The following TBC1D21 variants were observed in gnomAD, a reference collection of about 807,000 sequenced individuals.
TBC1D21 encodes TBC1 domain family member 21, also known as male germ cell Rab GTPase-activating protein.
In TBC1D21, 38 loss-of-function variants were observed where a neutral mutation model predicts 46.0. That is an observed-to-expected ratio of 0.83 (90% CI 0.64 to 1.08). The LOEUF (loss-of-function observed/expected upper bound fraction) is 1.08. TBC1D21 is among the 50% of genes least tolerant of loss of function. The pLI is 0.00. For synonymous variants in TBC1D21, 151 were observed against 157.2 expected (o/e 0.96, Z 0.29); for missense variants, 415 against 417.9 (o/e 0.99, Z 0.06).
At chr15:73,877,056 T>TA (rs1165790633) in intron 1 of TBC1D21, among the ~76,000 whole-genome samples, 1 of 152,200 alleles carries the variant, frequency 6.6e-6, no homozygotes, top group Non-Finnish European at 1.5e-5. Flanking sequence ...CCCTGATCTG[T>TA]AAAACAGTAC....
chr15:73,884,962 T>TTCC, intron 5 of TBC1D21, 41 bp from the exon 6 acceptor site: 1 of 1,593,074 alleles, frequency 6.3e-7, no homozygotes, highest in Non-Finnish European at 8.6e-7. Context: ...GTCCAGGCTC[T>TTCC]CCCACCCAGC....
the TBC1D21 span, among the ~76,000 whole-genome samples, chr15:73,900,251 C>G: frequency 5.3e-5 from 8 of 152,318 alleles, no homozygotes; most frequent in East Asian, 1.4e-3. Flanking sequence ...AGACAGGCCC[C>G]TCTGCGCAGA....
At chr15:73,887,854 C>G in intron 9 of TBC1D21, 118 bp downstream of exon 9, 1 of 797,084 alleles carries the variant, frequency 1.3e-6, no homozygotes, top group South Asian at 1.6e-5. Flanking sequence ...ACCTTTTCCC[C>G]CCAGACAGAA....
intron 3 of TBC1D21, among the ~76,000 whole-genome samples, chr15:73,883,784 C>T (rs2068195225): frequency 6.6e-6 from 1 of 152,190 alleles, no homozygotes; most frequent in South Asian, 2.1e-4. Context: ...TTCTGAGGCA[C>T]AGGTGCCAGT....
At position 73,886,177 on chromosome 15, in the gene TBC1D21, G is replaced by T; in HGVS notation, c.676+3G>T. The T allele has an allele frequency of 6.2e-7, 1 of 1,614,040 alleles. No homozygotes were observed. Among genetic ancestry groups the T allele is most frequent in the Non-Finnish European group, 8.5e-7 (1 of 1,179,888 alleles). On this transcript the variant is annotated splice_donor_region_variant and intron_variant, in intron 7 of 10. Transcript: ENST00000300504. ...CCCCGTGTTTGCTGAGCACCTAAGT[G>T]AGTGGTTCCCACCTCCTGCCACCTC...
Position 73,888,480 on chromosome 15 carries a change from C to T in TBC1D21, c.945C>T (p.Ala315=), listed in dbSNP as rs1171238334. 3.1e-6 allele frequency: 5 copies of T among 1,614,142 alleles called. No homozygotes were observed. Among genetic ancestry groups the T allele is most frequent in the Non-Finnish European group, 3.4e-6 (4 of 1,180,018 alleles). The stretch of plus-strand genomic sequence containing the variant: ...ATGCTGATGAGCTGATCTCTGCCGC[C>T]TGCGTGGTTTATGCTGAGCTCATCC... ...DLDADELISA[A]CVVYAELIQK... Residue 315 remains alanine, a synonymous_variant, in exon 10 of 11, where the codon GCC becomes GCT. Transcript: ENST00000300504.
chr15:73,901,372 A>G, the TBC1D21 span, among the ~76,000 whole-genome samples: 1 of 152,166 alleles, frequency 6.6e-6, no homozygotes, highest in Non-Finnish European at 1.5e-5. Context: ...AATCACCTGC[A>G]ACTGCCCACC....
chr15:73,876,216 T>G lies in TBC1D21; in HGVS notation c.60+2447T>G, dbSNP rs28526759. ...TTTTGTGGGTTTTTTTTTTTTTTTT[T>G]TTTTTTTTTTTTTTTTTTTTTTTTT... On this transcript the variant is annotated intron_variant, in intron 1 of 10. Transcript: ENST00000300504. 1.0e-3 allele frequency among the ~76,000 whole-genome samples: 41 copies of G among 40,098 alleles called. 3 individuals are homozygous for G. Among genetic ancestry groups the G allele is most frequent in the South Asian group, 8.1e-3 (6 of 738 alleles). The allele number at this position is 40,098 out of a possible 152,430, so 26.3% of individuals were successfully genotyped here. A position where few individuals can be genotyped will look rare whatever the true frequency, so the allele number is the denominator to read the frequency against.
rs2068057275 is a variant in TBC1D21 at position 73,876,199 on chromosome 15, G to GCTTTT, written c.60+2430_60+2431insCTTTT. On this transcript the variant is annotated intron_variant, in intron 1 of 10. Transcript: ENST00000300504. ...GAAGAATCAGTGACTTTTTTTGTGG[G>GCTTTT]TTTTTTTTTTTTTTTTTTTTTTTTT... Among the ~76,000 whole-genome samples the GCTTTT allele has an allele frequency of 7.1e-5, 2 of 28,314 alleles. 1 individual carries two copies. Among genetic ancestry groups the GCTTTT allele is most frequent in the African/African-American group, 1.2e-4 (2 of 17,380 alleles). The allele number at this position is 28,314 out of a possible 152,430, so 18.6% of individuals were successfully genotyped here.
At position 73,875,311 on chromosome 15, in the gene TBC1D21, G is replaced by GGGAA. The variant is rs201470084; in HGVS notation, c.60+1553_60+1556dup. Among the ~76,000 whole-genome samples, 204 of 133,020 alleles carry GGGAA rather than the reference G, an allele frequency of 1.5e-3. 1 individual carries two copies. Among genetic ancestry groups the GGGAA allele is most frequent in the East Asian group, 5.6e-3 (23 of 4,136 alleles). 87.3% of individuals were successfully genotyped at this position (133,020 alleles called of 152,430 possible). A position where few individuals can be genotyped will look rare whatever the true frequency, so the allele number is the denominator to read the frequency against. On this transcript the variant is annotated intron_variant, in intron 1 of 10. Coordinates refer to ENST00000300504, the MANE Select transcript of TBC1D21 (RefSeq NM_153356.3). ...AAGGAAGGAGGGAAGGAGGGAAGAA[G>GGGAA]GGAAGGAAGGAAGGGAGGGAGGGAG...
In TBC1D21 at chr15:73,884,570, G is replaced by A. The variant is rs928811222; in HGVS notation, c.368-211G>A. Among the ~76,000 whole-genome samples the A allele has an allele frequency of 2.6e-5, 4 of 152,188 alleles. 1 individual carries two copies. The South Asian group carries it at 6.2e-4, about 24-fold the overall frequency. On this transcript the variant is annotated intron_variant, in intron 4 of 10. Coordinates refer to ENST00000300504, the MANE Select transcript of TBC1D21 (RefSeq NM_153356.3). ...GGAGGACATTCCTGGCCGAGGGTAC[G>A]GCCTCGTTAGAGGGTTGGAGGTGGG...
At chr15:73,888,397 C>T in intron 9 of TBC1D21, 33 bp from the exon 10 acceptor site, 1 of 1,593,856 alleles carries the variant, frequency 6.3e-7, no homozygotes, top group Non-Finnish European at 8.6e-7. Flanking sequence ...TTGCCCCAGC[C>T]CCACCCACAA....
At chr15:73,898,178 G>A in the TBC1D21 span, among the ~76,000 whole-genome samples, 1 of 152,212 alleles carries the variant, frequency 6.6e-6, no homozygotes, top group African/African-American at 2.4e-5. Flanking sequence ...CTCACCCAGG[G>A]AGCTGCTGCT....
chr15:73,881,494 C>T lies in TBC1D21; in HGVS notation c.156C>T (p.Asn52=). Residue 52 remains asparagine, a synonymous_variant, in exon 2 of 11, where the codon AAC becomes AAT. Transcript: ENST00000300504. ...AATCACGGGACTTCATTTGTGTTAACATCCTGGAAAGGGTGGGTCCCCAAG... is the reference window on the plus strand; with the variant it reads ...AATCACGGGACTTCATTTGTGTTAATATCCTGGAAAGGGTGGGTCCCCAAG... ...LAKSRDFICV[N]ILERGLHPFV... 6.2e-7 allele frequency: 1 copy of T among 1,614,140 alleles called. No individual in the cohort carries two copies. Among genetic ancestry groups the T allele is most frequent in the Non-Finnish European group, 8.5e-7 (1 of 1,179,968 alleles).
downstream of TBC1D21, among the ~76,000 whole-genome samples, chr15:73,892,384 A>T (rs2068344271): frequency 6.6e-6 from 1 of 152,174 alleles, no homozygotes; most frequent in Admixed American, 6.5e-5. Flanking sequence ...GACAGGAAGG[A>T]GAGAAGAGAG....
intron 1 of TBC1D21, 104 bp downstream of exon 1, chr15:73,873,873 C>T (rs2068012143): frequency 1.5e-6 from 2 of 1,357,932 alleles, no homozygotes; most frequent in East Asian, 5.0e-5. Flanking sequence ...CCTGAGCTAA[C>T]ATAGAAGGTG....
chr15:73,894,887 C>A, the TBC1D21 span, among the ~76,000 whole-genome samples: 1 of 152,174 alleles, frequency 6.6e-6, no homozygotes, highest in Non-Finnish European at 1.5e-5. Flanking sequence ...ATTTCTGGGA[C>A]CTCAAACAAA....
intron 1 of TBC1D21, among the ~76,000 whole-genome samples, chr15:73,878,502 T>TA (rs1437493018): frequency 6.6e-6 from 1 of 152,236 alleles, no homozygotes; most frequent in African/African-American, 2.4e-5. Context: ...ATTTAAATTT[T>TA]AAAATGATAC....
chr15:73,900,116 CCACCCGTT>C, the TBC1D21 span, among the ~76,000 whole-genome samples: 1 of 152,328 alleles, frequency 6.6e-6, no homozygotes, highest in Non-Finnish European at 1.5e-5. Context: ...ACATCCATCA[CCACCCGTT>C]CTCTGCCCTG....
Sources: gnomAD v4.1 joint callset for allele counts (sites outside exome capture counted in the v4.1 genomes callset) on GRCh38, gnomAD v4.1.1 for gene constraint, MANE v1.5 for transcripts, NCBI Gene and HGNC (gene_info 2026-07-23, HGNC 2026-07-21) for gene names.